Variants in RHOU observed in about 807,000 individuals in gnomAD.
RHOU encodes ras homolog family member U, also known as rho-related GTP-binding protein RhoU.
RHOU carries 8 observed loss-of-function variants against 12.6 expected under a neutral mutation model. That is an observed-to-expected ratio of 0.64 (90% CI 0.37 to 1.15). RHOU has a LOEUF of 1.15. RHOU is among the 50% of genes most tolerant of loss of function. RHOU has a pLI of 0.01. For synonymous variants in RHOU, 161 were observed against 147.4 expected (o/e 1.09, Z -0.67); for missense variants, 258 against 347.0 (o/e 0.74, Z 2.04).
chr1:228,699,190 T>C, the RHOU span, among the ~76,000 whole-genome samples: 2 of 151,748 alleles, frequency 1.3e-5, no homozygotes, highest in Non-Finnish European at 2.9e-5. Context: ...CTCAGCACTT[T>C]GGGAAGCTGA....
At chr1:228,693,591 C>G in the RHOU span, among the ~76,000 whole-genome samples, 1 of 152,152 alleles carries the variant, frequency 6.6e-6, no homozygotes, top group African/African-American at 2.4e-5. Context: ...CTCAGTCTCC[C>G]GAGTAGCTGG....
chr1:228,687,853 G>C, the RHOU span: 1 of 1,118,930 alleles, frequency 8.9e-7, no homozygotes, highest in Non-Finnish European at 1.3e-6. Context: ...CCACATAGCC[G>C]TGGGAGTGAC....
At chr1:228,672,486 A>G in the RHOU span, among the ~76,000 whole-genome samples, 1 of 152,186 alleles carries the variant, frequency 6.6e-6, no homozygotes, top group African/African-American at 2.4e-5. Context: ...TTAAAAGAAA[A>G]TTTTAATAGC....
chr1:228,669,135 C>T, the RHOU span, among the ~76,000 whole-genome samples: 4 of 152,210 alleles, frequency 2.6e-5, no homozygotes, highest in African/African-American at 7.2e-5. Context: ...CTTGTAAAAA[C>T]AGGAGTTAGG....
the RHOU span, among the ~76,000 whole-genome samples, chr1:228,680,159 G>A: frequency 6.6e-6 from 1 of 152,156 alleles, no homozygotes; most frequent in African/African-American, 2.4e-5. Flanking sequence ...ACCCTCCACT[G>A]TGAGAGTTAC....
chr1:228,721,211 A>T, the RHOU span, among the ~76,000 whole-genome samples: 1 of 152,198 alleles, frequency 6.6e-6, no homozygotes, highest in Admixed American at 6.5e-5. Context: ...CTGAAGCAGG[A>T]GAATCACTTG....
the RHOU span, among the ~76,000 whole-genome samples, chr1:228,717,514 T>C: frequency 6.6e-6 from 1 of 152,236 alleles, no homozygotes; most frequent in Non-Finnish European, 1.5e-5. Context: ...ATATGTTTAG[T>C]TCTACTCTGG....
the RHOU span, chr1:228,652,447 G>A: frequency 1.3e-5 from 2 of 152,508 alleles, no homozygotes; most frequent in Non-Finnish European, 2.9e-5. Context: ...GCCTTTTGGT[G>A]CTTACCACAG....
chr1:228,717,540 A>C, the RHOU span, among the ~76,000 whole-genome samples: 2 of 152,212 alleles, frequency 1.3e-5, no homozygotes, highest in African/African-American at 2.4e-5. Context: ...GATAGGTAGG[A>C]TGGGGAGGAG....
the RHOU span, among the ~76,000 whole-genome samples, chr1:228,676,807 T>C: frequency 6.6e-6 from 1 of 151,852 alleles, no homozygotes; most frequent in African/African-American, 2.4e-5. Context: ...TTCTCAAGGG[T>C]GGGGGAGATT....
chr1:228,710,391 C>A, the RHOU span, among the ~76,000 whole-genome samples: 1 of 152,048 alleles, frequency 6.6e-6, no homozygotes, highest in Non-Finnish European at 1.5e-5. Context: ...CCTTGATGAA[C>A]ATTGATGCAA....
intron 1 of RHOU, among the ~76,000 whole-genome samples, chr1:228,736,437 G>GCGT (rs1388592559): frequency 1.3e-5 from 2 of 152,144 alleles, no homozygotes; most frequent in Non-Finnish European, 2.9e-5. Flanking sequence ...CTTTACCTGA[G>GCGT]CGTCGCTCCT....
the RHOU span, among the ~76,000 whole-genome samples, chr1:228,664,636 AGATT>A: frequency 3.9e-5 from 6 of 152,038 alleles, no homozygotes; most frequent in African/African-American, 1.2e-4. Flanking sequence ...TTCATTGCCA[AGATT>A]GATTGATTTT....
chr1:228,732,027 A>G (rs983565557), upstream of RHOU, among the ~76,000 whole-genome samples: 5 of 152,228 alleles, frequency 3.3e-5, no homozygotes, highest in East Asian at 1.9e-4. Flanking sequence ...TCCTTCATTC[A>G]TTCTAAAAAT....
At chr1:228,726,545 A>G in the RHOU span, among the ~76,000 whole-genome samples, 1 of 152,034 alleles carries the variant, frequency 6.6e-6, no homozygotes, top group African/African-American at 2.4e-5. Context: ...CGCGCCTGTA[A>G]TCGCAGCTAC....
At chr1:228,700,910 GA>G in the RHOU span, among the ~76,000 whole-genome samples, 3 of 151,934 alleles carry the variant, frequency 2.0e-5, no homozygotes, top group African/African-American at 7.3e-5. Context: ...AACAGAGCAG[GA>G]CCCCATCTTT....
chr1:228,709,971 A>C, the RHOU span, among the ~76,000 whole-genome samples: 1 of 152,260 alleles, frequency 6.6e-6, no homozygotes, highest in Admixed American at 6.5e-5. Context: ...AAAATGATAA[A>C]GGGGATATCA....
the RHOU span, among the ~76,000 whole-genome samples, chr1:228,720,224 T>G: frequency 6.6e-6 from 1 of 152,184 alleles, no homozygotes; most frequent in Non-Finnish European, 1.5e-5. Flanking sequence ...GCACAGTTTT[T>G]TGTGTGTGTA....
the RHOU span, among the ~76,000 whole-genome samples, chr1:228,692,886 G>C: frequency 1.3e-5 from 2 of 151,974 alleles, no homozygotes; most frequent in African/African-American, 4.8e-5. Context: ...TGTTACTAAA[G>C]ACCTCCTTTA....
Sources: gnomAD v4.1 joint callset for allele counts (sites outside exome capture counted in the v4.1 genomes callset) on GRCh38, gnomAD v4.1.1 for gene constraint, MANE v1.5 for transcripts, NCBI Gene and HGNC (gene_info 2026-07-23, HGNC 2026-07-21) for gene names.